NCAM2: variants seen among roughly 807,000 people sequenced by gnomAD.
NCAM2 encodes N-CAM-2.
A neutral mutation model predicts 98.1 loss-of-function variants in NCAM2; 30 were observed. The ratio of observed to expected loss-of-function variants is 0.31; its 90% CI spans 0.23 to 0.41. The LOEUF (loss-of-function observed/expected upper bound fraction) is 0.41. Among genes scored for constraint, NCAM2 ranks in the 10% least tolerant of loss-of-function variants. The pLI is 1.00. For synonymous variants in NCAM2, 368 were observed against 342.4 expected, an observed-to-expected ratio of 1.07 and a Z score of -0.83; for missense variants, 867 against 1,005.8, an observed-to-expected ratio of 0.86 and a Z score of 1.87.
At chr21:21,166,135 G>T (rs746134060) in intron 1 of NCAM2, among the ~76,000 whole-genome samples, 3 of 152,160 alleles carry the variant, frequency 2.0e-5, no homozygotes, top group Non-Finnish European at 4.4e-5. Flanking sequence ...GGCATTTAGG[G>T]CATACAGCTT....
At chr21:21,017,030 T>G (rs1331209547) in intron 1 of NCAM2, among the ~76,000 whole-genome samples, 1 of 152,198 alleles carries the variant, frequency 6.6e-6, no homozygotes, top group Non-Finnish European at 1.5e-5. Flanking sequence ...TTTTATTGTT[T>G]TTACATTCTT....
chr21:21,285,099 A>G (rs1477913995), intron 3 of NCAM2, among the ~76,000 whole-genome samples: 1 of 151,824 alleles, frequency 6.6e-6, no homozygotes, highest in Non-Finnish European at 1.5e-5. Context: ...TTCCTCATAT[A>G]TAAACTGAGG....
intron 1 of NCAM2, among the ~76,000 whole-genome samples, chr21:21,098,230 T>G (rs1183258731): frequency 1.3e-5 from 2 of 151,554 alleles, no homozygotes; most frequent in Non-Finnish European, 3.0e-5. Flanking sequence ...GTTTCAGAAG[T>G]TAACCTTTGG....
chr21:21,428,805 A>T (rs1184956669), intron 11 of NCAM2, among the ~76,000 whole-genome samples: 1 of 152,230 alleles, frequency 6.6e-6, no homozygotes, highest in Non-Finnish European at 1.5e-5. Flanking sequence ...CACATCTGAC[A>T]CTATTCACTT....
intron 5 of NCAM2, among the ~76,000 whole-genome samples, chr21:21,318,924 G>A (rs73322717): frequency 0.013 from 1,986 of 152,058 alleles, 42 homozygotes; most frequent in African/African-American, 0.046. Flanking sequence ...AGAAGCAGGC[G>A]TATTTTTAAA....
intron 1 of NCAM2, among the ~76,000 whole-genome samples, chr21:21,235,063 A>G (rs1365464746): frequency 6.6e-6 from 1 of 152,058 alleles, no homozygotes; most frequent in Non-Finnish European, 1.5e-5. Context: ...CAGGCAAGTC[A>G]GAATAGGGCA....
At chr21:21,261,172 A>T (rs1350796348) in intron 1 of NCAM2, among the ~76,000 whole-genome samples, 1 of 152,174 alleles carries the variant, frequency 6.6e-6, no homozygotes, top group East Asian at 1.9e-4. Context: ...AGATATGTAC[A>T]CACAACATCA....
At chr21:21,244,223 C>T (rs983488068) in intron 1 of NCAM2, among the ~76,000 whole-genome samples, 1 of 151,994 alleles carries the variant, frequency 6.6e-6, no homozygotes, top group African/African-American at 2.4e-5. Context: ...AAGAATAAAA[C>T]CCCTTTACTA....
chr21:21,348,217 G>C (rs2075240954), intron 8 of NCAM2, among the ~76,000 whole-genome samples: 1 of 152,034 alleles, frequency 6.6e-6, no homozygotes, highest in Non-Finnish European at 1.5e-5. Flanking sequence ...GAAAAACCTA[G>C]AGACTTCACA....
At chr21:21,396,186 A>C (rs2076502664) in intron 9 of NCAM2, among the ~76,000 whole-genome samples, 1 of 152,056 alleles carries the variant, frequency 6.6e-6, no homozygotes, top group East Asian at 1.9e-4. Flanking sequence ...ACCATCAATA[A>C]GTGGGCTAAG....
intron 15 of NCAM2, among the ~76,000 whole-genome samples, chr21:21,498,810 A>G (rs183885494): frequency 6.2e-4 from 95 of 152,350 alleles, no homozygotes; most frequent in African/African-American, 2.3e-3. Context: ...TTGATCTAAA[A>G]TATTGGACAA....
chr21:21,329,576 A>G (rs968121868), intron 6 of NCAM2, among the ~76,000 whole-genome samples: 1 of 152,168 alleles, frequency 6.6e-6, no homozygotes, highest in Non-Finnish European at 1.5e-5. Context: ...CAATGTGTCA[A>G]TAATTTGTTA....
At chr21:21,282,514 T>C (rs1290552826) in intron 2 of NCAM2, among the ~76,000 whole-genome samples, 1 of 151,726 alleles carries the variant, frequency 6.6e-6, no homozygotes, top group Non-Finnish European at 1.5e-5. Flanking sequence ...AACAAGATTC[T>C]AAAAATAAAG....
At chr21:21,424,687 G>T (rs1365855970) in intron 11 of NCAM2, among the ~76,000 whole-genome samples, 1 of 151,992 alleles carries the variant, frequency 6.6e-6, no homozygotes, top group Non-Finnish European at 1.5e-5. Flanking sequence ...GACCAGTGTT[G>T]GTAATGTGCT....
chr21:21,329,946 A>G (rs2074626084), intron 6 of NCAM2, among the ~76,000 whole-genome samples: 1 of 152,118 alleles, frequency 6.6e-6, no homozygotes, highest in Non-Finnish European at 1.5e-5. Context: ...TGTCATTCAT[A>G]GTATCCCTTT....
chr21:21,327,306 C>CAAA (rs11384559), intron 6 of NCAM2, among the ~76,000 whole-genome samples: 822 of 81,910 alleles, frequency 0.01, 35 homozygotes, highest in African/African-American at 0.034. Flanking sequence ...GACTCTGTCT[C>CAAA]AAAAAAAAAA....
intron 12 of NCAM2, among the ~76,000 whole-genome samples, chr21:21,450,793 TACACACACACAC>T (rs71195329): frequency 3.8e-4 from 55 of 143,530 alleles, no homozygotes; most frequent in African/African-American, 8.2e-4. Context: ...TATGTATGTA[TACACACACACAC>T]ACACACACAC....
chr21:21,408,757 A>G (rs1203889259), intron 9 of NCAM2, among the ~76,000 whole-genome samples: 1 of 151,998 alleles, frequency 6.6e-6, no homozygotes, highest in Non-Finnish European at 1.5e-5. Flanking sequence ...GGTTATTAAA[A>G]ATATTAAATA....
At chr21:21,408,084 C>T (rs572795626) in intron 9 of NCAM2, among the ~76,000 whole-genome samples, 2 of 152,266 alleles carry the variant, frequency 1.3e-5, no homozygotes, top group Non-Finnish European at 2.9e-5. Context: ...ATTCTGACCC[C>T]CAAATGGACA....
Sources: allele counts gnomAD v4.1 joint callset (sites outside exome capture counted in the v4.1 genomes callset), GRCh38; gene constraint gnomAD v4.1.1; transcripts MANE v1.5; gene names NCBI Gene and HGNC (gene_info 2026-07-23, HGNC 2026-07-21).